The following REV1 variants were observed in gnomAD, a reference collection of about 807,000 sequenced individuals.
The protein encoded by REV1 is REV1 DNA directed polymerase, also known as translesion synthesis protein REV1.
In REV1, 42 loss-of-function variants were observed where a neutral mutation model predicts 137.4. The observed-to-expected ratio is 0.31, with a 90% CI of 0.24 to 0.40. The LOEUF is 0.40. Among genes scored for constraint, REV1 ranks in the 10% least tolerant of loss-of-function variants. REV1 has a pLI of 1.00. For synonymous variants in REV1, 524 were observed against 519.2 expected (o/e 1.01, Z -0.12); for missense variants, 1,282 against 1,490.1 (o/e 0.86, Z 2.30).
chr2:99,451,599 G>T, intron 3 of REV1: 1 of 742,082 alleles, frequency 1.3e-6, no homozygotes. Context: ...TGGAGAAGTT[G>T]TTTAACTTCT....
intron 3 of REV1, among the ~76,000 whole-genome samples, chr2:99,459,455 C>T (rs1177258845): frequency 6.6e-6 from 1 of 152,126 alleles, no homozygotes; most frequent in Admixed American, 6.5e-5. Flanking sequence ...CATGTAATCT[C>T]CACACTTTGG....
intron 1 of REV1, among the ~76,000 whole-genome samples, chr2:99,484,895 C>A (rs1396045140): frequency 6.6e-6 from 1 of 152,172 alleles, no homozygotes; most frequent in Non-Finnish European, 1.5e-5. Flanking sequence ...AGCCAAATAA[C>A]AACACCTCTC....
In REV1 at chr2:99,406,400, T is replaced by A. The variant is rs968007486; in HGVS notation, c.2539A>T (p.Ser847Cys). The A allele has an allele frequency of 6.2e-7, 1 of 1,613,752 alleles. No homozygotes were observed. The highest frequency in any genetic ancestry group is 1.3e-5 in the African/African-American group (1 of 74,878). Residue 847 changes from serine to cysteine, a missense_variant, in exon 16 of 23, where the codon AGT (serine) becomes TGT (cysteine). Physicochemically the swap from Ser to Cys is moderately radical, Grantham distance 112. This residue lies in a region of REV1 where 372 missense variants were observed against 482.3 expected (regional missense o/e 0.77). Coordinates refer to ENST00000258428, the MANE Select transcript of REV1 (RefSeq NM_016316.4). ...ACATCACGGACAGAGTATGACCCAC[T>A]AGGAAAGTGGCTTGACTGAACTGAT... is the stretch of plus-strand genomic sequence containing the variant. ...RPSVQSSHFPSGSYSVRDVFQ... is the reference protein window; with the variant it reads ...RPSVQSSHFPCGSYSVRDVFQ...
intron 3 of REV1, among the ~76,000 whole-genome samples, chr2:99,453,882 G>C: frequency 8.0e-6 from 1 of 125,000 alleles, no homozygotes; most frequent in East Asian, 2.2e-4. Flanking sequence ...GACAGAGTAA[G>C]GCTCTGTCTC....
At chr2:99,417,645 C>A (rs1251050006) in intron 12 of REV1, among the ~76,000 whole-genome samples, 1 of 152,146 alleles carries the variant, frequency 6.6e-6, no homozygotes, top group Non-Finnish European at 1.5e-5. Context: ...AAAGAGCCAA[C>A]CCTGCTGACA....
At chr2:99,406,979 A>G (rs1676387975) in intron 15 of REV1, 1 of 151,730 alleles carries the variant, frequency 6.6e-6, no homozygotes, top group Non-Finnish European at 1.5e-5. Flanking sequence ...AGAAATCACA[A>G]TTACGGCTGG....
intron 4 of REV1, among the ~76,000 whole-genome samples, chr2:99,446,615 C>T (rs1682250363): frequency 6.6e-6 from 1 of 152,092 alleles, no homozygotes; most frequent in South Asian, 2.1e-4. Context: ...CTGCCTCAGC[C>T]TCCTGAGTAG....
At chr2:99,478,130 G>A (rs898514967) in intron 1 of REV1, among the ~76,000 whole-genome samples, 1 of 152,166 alleles carries the variant, frequency 6.6e-6, no homozygotes, top group African/African-American at 2.4e-5. Flanking sequence ...CAGCTACTCG[G>A]GAGGCTGAGG....
At chr2:99,473,312 G>A (rs1002344705) in intron 1 of REV1, among the ~76,000 whole-genome samples, 3 of 148,828 alleles carry the variant, frequency 2.0e-5, no homozygotes, top group African/African-American at 7.4e-5. Context: ...AGGTTGCAGT[G>A]AGCCAAGATC....
chr2:99,432,956 G>A (rs1303487270), intron 8 of REV1, among the ~76,000 whole-genome samples: 1 of 152,118 alleles, frequency 6.6e-6, no homozygotes, highest in Non-Finnish European at 1.5e-5. Context: ...TTTAAATGTA[G>A]GCTGCCGATA....
intron 1 of REV1, among the ~76,000 whole-genome samples, chr2:99,488,660 G>A (rs1687348786): frequency 6.6e-6 from 1 of 152,214 alleles, no homozygotes; most frequent in South Asian, 2.1e-4. Flanking sequence ...CCCTGCACGG[G>A]CAAACCCAAG....
chr2:99,433,452 C>CA (rs1409722801), intron 8 of REV1, among the ~76,000 whole-genome samples: 2 of 152,116 alleles, frequency 1.3e-5, no homozygotes, highest in Non-Finnish European at 2.9e-5. Flanking sequence ...TCAAAACCAA[C>CA]AAAAAGACTA....
At chr2:99,454,926 C>G (rs1683377083) in intron 3 of REV1, among the ~76,000 whole-genome samples, 1 of 152,182 alleles carries the variant, frequency 6.6e-6, no homozygotes, top group Non-Finnish European at 1.5e-5. Context: ...TAAAGCCCTA[C>G]AAGTAAAATG....
intron 1 of REV1, among the ~76,000 whole-genome samples, chr2:99,486,897 G>C (rs569793003): frequency 7.0e-6 from 1 of 142,072 alleles, no homozygotes; most frequent in African/African-American, 2.6e-5. Context: ...ACAAGTCTAA[G>C]GGGGGAAATA....
intron 5 of REV1, among the ~76,000 whole-genome samples, chr2:99,440,456 A>G (rs1011325716): frequency 3.3e-5 from 5 of 152,200 alleles, no homozygotes; most frequent in African/African-American, 1.2e-4. Context: ...CTGACTACAC[A>G]GAAAAGTCCC....
chr2:99,479,311 A>T (rs2104224800), intron 1 of REV1, among the ~76,000 whole-genome samples: 1 of 135,912 alleles, frequency 7.4e-6, no homozygotes, highest in Middle Eastern at 3.5e-3. Context: ...TGGGTGACAG[A>T]GCGAGACTCT....
chr2:99,435,930 C>A lies in REV1; in HGVS notation c.1225G>T (p.Val409Leu). The A allele has an allele frequency of 1.9e-6, 3 of 1,575,344 alleles. No individual in the cohort carries two copies. The highest frequency in any genetic ancestry group is 2.6e-6 in the Non-Finnish European group (3 of 1,147,520). The part of the protein sequence containing the change: ...LVVTDTGDMS[V>L]LNSPRHQSCI... ...CTCTGATGTCTGGGAGAATTCAATA[C>A]TGACATATCTCCTAGAAGGAAAAAG... Residue 409 changes from valine (V) to leucine (L), a missense_variant, in exon 7 of 23, where the codon GTA becomes TTA. By Grantham distance (32) the Val-to-Leu change is conservative (BLOSUM62 1). Transcript: ENST00000258428.
chr2:99,483,567 T>C (rs1686838153), intron 1 of REV1, among the ~76,000 whole-genome samples: 1 of 152,246 alleles, frequency 6.6e-6, no homozygotes, highest in African/African-American at 2.4e-5. Context: ...GCATCCTATG[T>C]GGATAAGGCA....
chr2:99,451,559 T>C lies in REV1; in HGVS notation c.182-2055A>G, dbSNP rs1220729186. ...AATAAGACCGATCTGAGTTTAATCT[T>C]AGCTTTCACACTCCTGAGTTGTGTG... On this transcript the variant is annotated intron_variant, in intron 3 of 22. Coordinates refer to ENST00000258428, the MANE Select transcript of REV1 (RefSeq NM_016316.4). 5 of 1,109,270 alleles carry C rather than the reference T, an allele frequency of 4.5e-6. No individual in the cohort carries two copies. The Admixed American group carries it at 9.2e-5, about 21-fold the overall frequency. 68.7% of individuals were successfully genotyped at this position (1,109,270 alleles called of 1,614,324 possible).
Sources: allele counts gnomAD v4.1 joint callset (sites outside exome capture counted in the v4.1 genomes callset), GRCh38; gene constraint gnomAD v4.1.1; regional missense constraint gnomAD v4.1.1; transcripts MANE v1.5; gene names NCBI Gene and HGNC (gene_info 2026-07-23, HGNC 2026-07-21).